The following UBAP2 variants were observed in gnomAD, a reference collection of about 807,000 sequenced individuals.
UBAP2 encodes ubiquitin associated protein 2, also known as ubiquitin-associated protein 2.
In UBAP2, 75 loss-of-function variants were observed where a neutral mutation model predicts 139.6. The observed-to-expected ratio is 0.54, with a 90% CI of 0.45 to 0.65. The LOEUF (loss-of-function observed/expected upper bound fraction) is 0.65. Among genes scored for constraint, UBAP2 ranks in the 30% least tolerant of loss-of-function variants. The pLI, the probability that UBAP2 is intolerant of heterozygous loss-of-function variation, is 0.00. For missense variants in UBAP2, 1,368 were observed against 1,369.6 expected (o/e 1.00, Z 0.02); for synonymous variants, 526 against 526.2 (o/e 1.00, Z 0.01).
chr9:33,996,402 T>C (rs772172115), intron 3 of UBAP2, 69 bp from the exon 4 acceptor site: 15 of 1,003,756 alleles, frequency 1.5e-5, no homozygotes, highest in Admixed American at 5.3e-5. Flanking sequence ...GATTCTTCTA[T>C]ACAAATACAG....
At chr9:33,956,921 C>T (rs1826610834) in intron 10 of UBAP2, among the ~76,000 whole-genome samples, 1 of 129,986 alleles carries the variant, frequency 7.7e-6, no homozygotes, top group Non-Finnish European at 1.6e-5. Flanking sequence ...AGTAAGGCTT[C>T]ATCTCTAGGA....
rs535970128 is a variant in UBAP2 at position 33,947,668 on chromosome 9, CA to C, written c.1270+705del. On this transcript the variant is annotated intron_variant, in intron 13 of 28. Transcript: ENST00000379238. ...AAACCCCTGTCACATTAAAAAAATA[CA>C]AAAAAATCAGCCAGGAGTGACGGCA... Among the ~76,000 whole-genome samples, 344 of 151,572 alleles carry C rather than the reference CA, an allele frequency of 2.3e-3. 1 individual carries two copies. The highest frequency in any genetic ancestry group is 3.1e-3 in the Non-Finnish European group (209 of 67,832).
chr9:34,006,512 C>CA (rs1167346304), intron 2 of UBAP2, among the ~76,000 whole-genome samples: 2 of 151,880 alleles, frequency 1.3e-5, no homozygotes, highest in African/African-American at 2.4e-5. Context: ...AAACCCTTTA[C>CA]AAAAAAATAC....
At chr9:33,971,314 G>C (rs307677) in intron 8 of UBAP2, among the ~76,000 whole-genome samples, 48,531 of 151,982 alleles carry the variant, frequency 0.32, 8,389 homozygotes, top group African/African-American at 0.45. Context: ...TTAGAAATGG[G>C]AAGTACTTCC....
chr9:33,963,814 G>A (rs1429955520), intron 8 of UBAP2, 23 bp from the exon 9 acceptor site: 3 of 1,565,308 alleles, frequency 1.9e-6, no homozygotes, highest in Non-Finnish European at 1.8e-6. Flanking sequence ...GTAAAATTGA[G>A]GGTTTAAACA....
At chr9:34,015,371 T>G (rs1013237082) in intron 2 of UBAP2, among the ~76,000 whole-genome samples, 1 of 152,196 alleles carries the variant, frequency 6.6e-6, no homozygotes, top group Non-Finnish European at 1.5e-5. Context: ...CAGGCTTGAA[T>G]GCAGTGGTGT....
chr9:33,999,973 A>C (rs955545074), intron 2 of UBAP2, among the ~76,000 whole-genome samples: 1 of 150,968 alleles, frequency 6.6e-6, no homozygotes, highest in Non-Finnish European at 1.5e-5. Flanking sequence ...TTTGAGATGG[A>C]GTCTCACTCT....
rs756822268 is a variant in UBAP2, at chr9:33,923,768, C to T, written c.2796+27G>A. The T allele has an allele frequency of 3.7e-6, 6 of 1,609,510 alleles. No individual in the cohort carries two copies. In the South Asian group the frequency reaches 4.4e-5, roughly 12 times the overall value. ...CTGCCAGCAACCCAAGGCCAGGAGA[C>T]ACAGTCACACCCTCTGAAATACTCA... On this transcript the variant is annotated intron_variant, in intron 24 of 28. Coordinates refer to ENST00000379238, the MANE Select transcript of UBAP2 (RefSeq NM_001370062.2).
At chr9:34,027,417 A>G (rs1418465841) in intron 1 of UBAP2, among the ~76,000 whole-genome samples, 1 of 151,786 alleles carries the variant, frequency 6.6e-6, no homozygotes, top group Non-Finnish European at 1.5e-5. Flanking sequence ...ATTTATTAAA[A>G]AATAAACAAA....
intron 13 of UBAP2, among the ~76,000 whole-genome samples, chr9:33,944,873 G>C (rs1415258772): frequency 6.6e-6 from 1 of 152,172 alleles, no homozygotes; most frequent in Non-Finnish European, 1.5e-5. Flanking sequence ...CATAGGGAGT[G>C]ATGAACTCGT....
intron 6 of UBAP2, among the ~76,000 whole-genome samples, chr9:33,981,064 CATATATATATAT>C (rs552165278): frequency 1.9e-4 from 1 of 5,276 alleles, no homozygotes; most frequent in African/African-American, 5.7e-4. Flanking sequence ...TTATTTACTT[CATATATATATAT>C]ATATATATAT....
At chr9:34,043,364 G>A (rs544870022) in intron 1 of UBAP2, among the ~76,000 whole-genome samples, 75 of 152,164 alleles carry the variant, frequency 4.9e-4, no homozygotes, top group African/African-American at 1.0e-3. Context: ...ACAGGGTTTT[G>A]CCACGTTGTC....
chr9:34,036,804 CTCTTTTT>C (rs1564074633), intron 1 of UBAP2, among the ~76,000 whole-genome samples: 3 of 137,840 alleles, frequency 2.2e-5, no homozygotes, highest in Non-Finnish European at 1.6e-5. Context: ...TTAAGTTTTT[CTCTTTTT>C]TTTTTTTTTT....
chr9:33,970,270 G>C (rs1269403863), intron 8 of UBAP2, among the ~76,000 whole-genome samples: 1 of 151,712 alleles, frequency 6.6e-6, no homozygotes, highest in Non-Finnish European at 1.5e-5. Context: ...TTCCCTTGAT[G>C]ATCTCATAAG....
intron 1 of UBAP2, among the ~76,000 whole-genome samples, chr9:34,044,318 G>A (rs904107528): frequency 8.0e-5 from 12 of 149,634 alleles, no homozygotes; most frequent in Non-Finnish European, 1.5e-4. Context: ...GGAGAATGGC[G>A]TGAACCTGGG....
chr9:33,922,631 G>C, intron 28 of UBAP2, 32 bp from the exon 29 acceptor site: 1 of 1,605,074 alleles, frequency 6.2e-7, no homozygotes, highest in African/African-American at 1.3e-5. Flanking sequence ...GGCTGTCAAG[G>C]CTGGAGCAGA....
chr9:33,966,664 C>T (rs1431290817), intron 8 of UBAP2, among the ~76,000 whole-genome samples: 1 of 151,986 alleles, frequency 6.6e-6, no homozygotes, highest in Non-Finnish European at 1.5e-5. Context: ...ACATACAAAT[C>T]TTGCATATAC....
intron 16 of UBAP2, among the ~76,000 whole-genome samples, chr9:33,940,735 C>T (rs1303669418): frequency 6.6e-6 from 1 of 152,154 alleles, no homozygotes; most frequent in Non-Finnish European, 1.5e-5. Flanking sequence ...GCTGTGATCG[C>T]GCCACTGGAC....
chr9:33,923,748 A>C, intron 24 of UBAP2, 47 bp downstream of exon 24: 2 of 1,594,834 alleles, frequency 1.3e-6, no homozygotes, highest in South Asian at 2.2e-5. Context: ...TCCACCTGCC[A>C]GCAACCCAAG....
Sources: gnomAD v4.1 joint callset for allele counts (sites outside exome capture counted in the v4.1 genomes callset) on GRCh38, gnomAD v4.1.1 for gene constraint, MANE v1.5 for transcripts, NCBI Gene and HGNC (gene_info 2026-07-23, HGNC 2026-07-21) for gene names.